The following OPCML variants were observed in gnomAD, a reference collection of about 807,000 sequenced individuals.
OPCML encodes opioid binding protein/cell adhesion molecule like.
OPCML carries 13 observed loss-of-function variants against 37.8 expected under a neutral mutation model. The ratio of observed to expected loss-of-function variants is 0.34; its 90% CI spans 0.22 to 0.55. The LOEUF is 0.55. OPCML is among the 20% of genes least tolerant of loss of function. The pLI, the probability that OPCML is intolerant of heterozygous loss-of-function variation, is 0.91. For synonymous variants in OPCML, 176 were observed against 168.8 expected, an observed-to-expected ratio of 1.04 and a Z score of -0.33; for missense variants, 341 against 435.6, an observed-to-expected ratio of 0.78 and a Z score of 1.93.
At chr11:132,756,640 T>G (rs973065863) in intron 2 of OPCML, among the ~76,000 whole-genome samples, 1 of 152,198 alleles carries the variant, frequency 6.6e-6, no homozygotes, top group Non-Finnish European at 1.5e-5. Context: ...TTATGGCTCA[T>G]GTAGAAATCA....
At chr11:133,432,844 C>A (rs1423318449) in intron 1 of OPCML, among the ~76,000 whole-genome samples, 1 of 152,016 alleles carries the variant, frequency 6.6e-6, no homozygotes, top group Non-Finnish European at 1.5e-5. Context: ...TCGTTATATA[C>A]CATGCAAAAT....
At chr11:132,827,435 T>G (rs1032457944) in intron 2 of OPCML, among the ~76,000 whole-genome samples, 1 of 152,124 alleles carries the variant, frequency 6.6e-6, no homozygotes, top group Non-Finnish European at 1.5e-5. Context: ...TATGGAACAA[T>G]AGGAACTCTC....
chr11:132,643,557 T>G (rs1005459464), intron 3 of OPCML, among the ~76,000 whole-genome samples: 9 of 152,196 alleles, frequency 5.9e-5, no homozygotes, highest in Non-Finnish European at 2.9e-5. Context: ...TTCTCTTGAC[T>G]CTCGACCTTC....
At position 133,084,838 on chromosome 11, in the gene OPCML, C is replaced by G. The variant is rs532927797; in HGVS notation, c.62-141828G>C. Among the ~76,000 whole-genome samples, 12 of 152,272 alleles carry G rather than the reference C, an allele frequency of 7.9e-5. No individual in the cohort carries two copies. In the East Asian group the frequency reaches 2.3e-3, roughly 29 times the overall value. ...CTTAGAACTCAAACTCAAATTCAAG[C>G]ATGAGTGAGCATCTACCATACAATA... On this transcript the variant is annotated intron_variant, in intron 1 of 7. Coordinates refer to ENST00000524381, the MANE Select transcript of OPCML (RefSeq NM_001012393.5).
chr11:133,285,995 CA>C (rs369163486), intron 1 of OPCML, among the ~76,000 whole-genome samples: 1 of 151,980 alleles, frequency 6.6e-6, no homozygotes, highest in Non-Finnish European at 1.5e-5. Flanking sequence ...GTACAAGTCC[CA>C]AAAAAATATG....
At position 133,359,588 on chromosome 11, in the gene OPCML, G is replaced by A. The variant is rs138738913; in HGVS notation, c.61+172676C>T. The stretch of plus-strand genomic sequence containing the variant: ...TGACCGATGAGAAAACAGAGGATCA[G>A]ATACATTAAATCAGTTCCCAATTTA... On this transcript the variant is annotated intron_variant, in intron 1 of 7. Transcript: ENST00000524381. Among the ~76,000 whole-genome samples, 375 of 152,276 alleles carry A rather than the reference G, an allele frequency of 2.5e-3. 3 individuals are homozygous for A. The highest frequency in any genetic ancestry group is 8.4e-3 in the African/African-American group (348 of 41,532).
At chr11:133,147,256 C>A (rs1005342979) in intron 1 of OPCML, among the ~76,000 whole-genome samples, 5 of 152,134 alleles carry the variant, frequency 3.3e-5, no homozygotes, top group Non-Finnish European at 5.9e-5. Flanking sequence ...AACAAGAAAA[C>A]CTGCTGACCA....
rs535927330 is a variant in OPCML, at chr11:132,659,647, T to C, written c.147-2328A>G. Among the ~76,000 whole-genome samples the C allele has an allele frequency of 1.5e-3, 227 of 152,036 alleles. 2 individuals are homozygous for C. The highest frequency in any genetic ancestry group is 4.4e-3 in the African/African-American group (183 of 41,530). ...TGTAAGCTACAATTGAAAAGGATGATTTTTTTGGCCTTTAGAACATATTCA... is the reference window on the plus strand; with the variant it reads ...TGTAAGCTACAATTGAAAAGGATGACTTTTTTGGCCTTTAGAACATATTCA... On this transcript the variant is annotated intron_variant, in intron 2 of 7. Coordinates refer to ENST00000524381, the MANE Select transcript of OPCML (RefSeq NM_001012393.5).
At chr11:133,139,041 A>G (rs972240687) in intron 1 of OPCML, among the ~76,000 whole-genome samples, 1 of 152,218 alleles carries the variant, frequency 6.6e-6, no homozygotes, top group East Asian at 1.9e-4. Context: ...TTTGTTGACT[A>G]TATGGAGCTT....
chr11:132,497,416 C>CA (rs529329176), intron 4 of OPCML, among the ~76,000 whole-genome samples: 33,108 of 88,412 alleles, frequency 0.37, 4,505 homozygotes, highest in East Asian at 0.65. Context: ...AAAAGCTGAA[C>CA]AAAAAAAAAA....
At chr11:132,631,271 A>C (rs1345370765) in intron 3 of OPCML, among the ~76,000 whole-genome samples, 1 of 151,142 alleles carries the variant, frequency 6.6e-6, no homozygotes, top group African/African-American at 2.4e-5. Context: ...CAAATTGAAC[A>C]CTTAAGATCT....
intron 1 of OPCML, among the ~76,000 whole-genome samples, chr11:133,184,774 A>G (rs544939359): frequency 6.6e-6 from 1 of 152,326 alleles, no homozygotes; most frequent in South Asian, 2.1e-4. Flanking sequence ...TGTTTTAATC[A>G]TATGTTATTT....
At chr11:132,896,032 A>G (rs1943827913) in intron 2 of OPCML, among the ~76,000 whole-genome samples, 1 of 152,192 alleles carries the variant, frequency 6.6e-6, no homozygotes, top group Non-Finnish European at 1.5e-5. Context: ...GGCCAAATTT[A>G]CTTATATGGA....
chr11:132,643,992 G>C (rs957846828), intron 3 of OPCML, among the ~76,000 whole-genome samples: 1 of 152,160 alleles, frequency 6.6e-6, no homozygotes, highest in East Asian at 1.9e-4. Flanking sequence ...TCTGATCCCA[G>C]ATCATTGCGG....
chr11:132,443,444 C>A (rs1346171729), intron 4 of OPCML, among the ~76,000 whole-genome samples: 1 of 152,174 alleles, frequency 6.6e-6, no homozygotes, highest in Non-Finnish European at 1.5e-5. Context: ...CCCTGCTGCC[C>A]AGCAAGAGAG....
intron 1 of OPCML, among the ~76,000 whole-genome samples, chr11:133,002,221 AC>A (rs1278589627): frequency 6.6e-6 from 1 of 152,208 alleles, no homozygotes; most frequent in Non-Finnish European, 1.5e-5. Context: ...ACTCAGCCTC[AC>A]AAAGTTTGTA....
intron 2 of OPCML, among the ~76,000 whole-genome samples, chr11:132,658,836 A>G (rs1941827040): frequency 6.6e-6 from 1 of 152,230 alleles, no homozygotes; most frequent in Non-Finnish European, 1.5e-5. Context: ...AACTTGTTAT[A>G]TCTCAGTCTA....
At chr11:133,061,838 G>T (rs756472477) in intron 1 of OPCML, among the ~76,000 whole-genome samples, 1 of 138,414 alleles carries the variant, frequency 7.2e-6, no homozygotes, top group South Asian at 2.3e-4. Context: ...GTTCCATTTC[G>T]TTTGTTTTCC....
Position 132,436,753 on chromosome 11 carries a change from TC to T in OPCML, c.669del (p.Asn224ThrfsTer12). 1.2e-6 allele frequency: 2 copies of T among 1,614,100 alleles called. No individual in the cohort carries two copies. The highest frequency in any genetic ancestry group is 1.7e-6 in the Non-Finnish European group (2 of 1,180,024). On this transcript the variant is annotated frameshift_variant, in exon 6 of 8. Transcript: ENST00000524381. LOFTEE classifies it high-confidence loss of function. ...VNYPPYISKA[K>X]NTGVSVGQKG... ...TTCTGACCGACTGAAACACCAGTGT[TC>T]TTGGCTTTTGAGATATAGGGAGGAT...
Sources: allele counts gnomAD v4.1 joint callset (sites outside exome capture counted in the v4.1 genomes callset), GRCh38; gene constraint gnomAD v4.1.1; transcripts MANE v1.5; gene names NCBI Gene and HGNC (gene_info 2026-07-23, HGNC 2026-07-21).